Variants in RABGAP1L observed in about 807,000 individuals in gnomAD.
The protein encoded by RABGAP1L is RAB GTPase activating protein 1 like.
RABGAP1L carries 63 observed loss-of-function variants against 137.7 expected under a neutral mutation model. The observed-to-expected ratio is 0.46, with a 90% CI of 0.37 to 0.56. The LOEUF is 0.56. Among genes scored for constraint, RABGAP1L ranks in the 20% least tolerant of loss-of-function variants. The pLI is 0.00. For synonymous variants in RABGAP1L, 431 were observed against 433.7 expected (o/e 0.99, Z 0.08); for missense variants, 1,095 against 1,244.0 (o/e 0.88, Z 1.80).
intron 11 of RABGAP1L, among the ~76,000 whole-genome samples, chr1:174,342,853 C>T (rs1194531314): frequency 6.6e-6 from 1 of 150,408 alleles, no homozygotes; most frequent in East Asian, 2.0e-4. Context: ...ATTCTCCTTC[C>T]TCAGCCTCCT....
chr1:174,305,969 G>C (rs1358833493), intron 11 of RABGAP1L, among the ~76,000 whole-genome samples: 1 of 151,944 alleles, frequency 6.6e-6, no homozygotes, highest in Non-Finnish European at 1.5e-5. Flanking sequence ...CTGTGTCCAA[G>C]TGTTCTCATT....
intron 11 of RABGAP1L, among the ~76,000 whole-genome samples, chr1:174,323,034 A>G (rs1680137393): frequency 1.3e-5 from 2 of 152,156 alleles, no homozygotes; most frequent in African/African-American, 2.4e-5. Context: ...AATTGGTAAA[A>G]TGACAGGTGC....
intron 17 of RABGAP1L, among the ~76,000 whole-genome samples, chr1:174,737,744 G>T (rs1683075330): frequency 6.6e-6 from 1 of 152,188 alleles, no homozygotes; most frequent in African/African-American, 2.4e-5. Flanking sequence ...TCTGCAAGCT[G>T]TACAGGCATG....
At chr1:174,407,301 G>GT (rs527590027) in intron 13 of RABGAP1L, among the ~76,000 whole-genome samples, 6,483 of 142,204 alleles carry the variant, frequency 0.046, 473 homozygotes, top group African/African-American at 0.15. Context: ...GTCTCTTTAT[G>GT]TTTTTTTTTT....
intron 19 of RABGAP1L, among the ~76,000 whole-genome samples, chr1:174,887,408 TG>T (rs1655344528): frequency 6.6e-6 from 1 of 152,258 alleles, no homozygotes; most frequent in Non-Finnish European, 1.5e-5. Context: ...CATTGAAAAA[TG>T]AGATAAAATT....
intron 18 of RABGAP1L, among the ~76,000 whole-genome samples, chr1:174,802,855 A>G (rs1397561597): frequency 6.6e-6 from 1 of 152,224 alleles, no homozygotes; most frequent in Non-Finnish European, 1.5e-5. Context: ...GAACTGGCTA[A>G]TGATGTGGGA....
At chr1:174,919,706 A>T (rs1288074035) in intron 19 of RABGAP1L, among the ~76,000 whole-genome samples, 1 of 152,148 alleles carries the variant, frequency 6.6e-6, no homozygotes, top group Admixed American at 6.5e-5. Context: ...AAAATTAAAA[A>T]ATTATCTGGG....
chr1:174,675,654 C>T (rs986264955), intron 14 of RABGAP1L, among the ~76,000 whole-genome samples: 1 of 152,022 alleles, frequency 6.6e-6, no homozygotes, highest in Non-Finnish European at 1.5e-5. Context: ...ATGGGGATGG[C>T]ATTGAATCTA....
chr1:174,959,316 T>C (rs1219415602), intron 20 of RABGAP1L, among the ~76,000 whole-genome samples: 1 of 152,204 alleles, frequency 6.6e-6, no homozygotes, highest in Non-Finnish European at 1.5e-5. Context: ...TTTGCTAATA[T>C]CATTCAGATT....
At chr1:174,300,730 G>A (rs1677615086) in intron 10 of RABGAP1L, among the ~76,000 whole-genome samples, 1 of 152,050 alleles carries the variant, frequency 6.6e-6, no homozygotes, top group Admixed American at 6.6e-5. Context: ...AGCTAGGCAT[G>A]GTGGTGGGTG....
intron 5 of RABGAP1L, among the ~76,000 whole-genome samples, chr1:174,247,526 G>C (rs1288296693): frequency 6.6e-6 from 1 of 152,194 alleles, no homozygotes; most frequent in East Asian, 1.9e-4. Context: ...CTTAGAGCCA[G>C]GCCAGCAACC....
intron 19 of RABGAP1L, among the ~76,000 whole-genome samples, chr1:174,843,355 C>T (rs1317492939): frequency 6.7e-6 from 1 of 150,282 alleles, no homozygotes; most frequent in Non-Finnish European, 1.5e-5. Flanking sequence ...TTAGGTATAT[C>T]TCCCAATGCT....
chr1:174,587,980 C>T (rs1193821225), intron 13 of RABGAP1L, among the ~76,000 whole-genome samples: 1 of 152,174 alleles, frequency 6.6e-6, no homozygotes, highest in Non-Finnish European at 1.5e-5. Flanking sequence ...TCTTCTGCCT[C>T]AGCCTCCCGA....
At chr1:174,226,917 C>T (rs1461308676) in intron 3 of RABGAP1L, among the ~76,000 whole-genome samples, 9 of 152,004 alleles carry the variant, frequency 5.9e-5, no homozygotes, top group Non-Finnish European at 1.2e-4. Flanking sequence ...AGCCAAATTC[C>T]ACTTCCTACT....
chr1:174,457,330 T>C (rs1399598161), intron 13 of RABGAP1L, among the ~76,000 whole-genome samples: 1 of 152,134 alleles, frequency 6.6e-6, no homozygotes, highest in Non-Finnish European at 1.5e-5. Context: ...AAAGAAAATA[T>C]TCTTTATGTG....
intron 19 of RABGAP1L, chr1:174,922,052 A>G (rs893807094): frequency 2.0e-4 from 30 of 152,016 alleles, no homozygotes; most frequent in African/African-American, 7.0e-4. Flanking sequence ...TTTCCATTTT[A>G]TTTTTCTCCA....
At chr1:174,535,331 C>G (rs1664812658) in intron 13 of RABGAP1L, among the ~76,000 whole-genome samples, 1 of 152,064 alleles carries the variant, frequency 6.6e-6, no homozygotes, top group Admixed American at 6.6e-5. Flanking sequence ...CTGTGAGGAT[C>G]TCTGAGAACT....
intron 13 of RABGAP1L, among the ~76,000 whole-genome samples, chr1:174,619,512 G>T (rs143248987): frequency 6.6e-6 from 1 of 152,084 alleles, no homozygotes; most frequent in Non-Finnish European, 1.5e-5. Flanking sequence ...AGAATTTTCA[G>T]CCCAGAATTT....
chr1:174,300,505 G>A (rs1677577256), intron 10 of RABGAP1L, among the ~76,000 whole-genome samples: 1 of 138,352 alleles, frequency 7.2e-6, no homozygotes, highest in Non-Finnish European at 1.5e-5. Flanking sequence ...CTCCACCCTG[G>A]GTAACAAGAG....
Sources: gnomAD v4.1 joint callset for allele counts (sites outside exome capture counted in the v4.1 genomes callset) on GRCh38, gnomAD v4.1.1 for gene constraint, MANE v1.5 for transcripts, NCBI Gene and HGNC (gene_info 2026-07-23, HGNC 2026-07-21) for gene names.